Variants in PCDH15 observed in about 807,000 individuals in gnomAD.
PCDH15 encodes protocadherin related 15.
PCDH15 carries 129 observed loss-of-function variants against 178.5 expected under a neutral mutation model. That is an observed-to-expected ratio of 0.72 (90% CI 0.63 to 0.84). PCDH15 has a LOEUF of 0.84. Among genes scored for constraint, PCDH15 ranks in the 40% least tolerant of loss-of-function variants. The pLI, the probability that PCDH15 is intolerant of heterozygous loss-of-function variation, is 0.00. For missense variants in PCDH15, 2,230 were observed against 2,099.9 expected (o/e 1.06, Z -1.21); for synonymous variants, 800 against 732.0 (o/e 1.09, Z -1.50).
At chr10:55,021,719 A>C (rs987553671) in intron 2 of PCDH15, among the ~76,000 whole-genome samples, 1 of 152,206 alleles carries the variant, frequency 6.6e-6, no homozygotes, top group Non-Finnish European at 1.5e-5. Flanking sequence ...TGAAAATCCA[A>C]TAAGTGATGT....
At chr10:53,825,245 T>G in intron 32 of PCDH15, 1 of 1,345,276 alleles carries the variant, frequency 7.4e-7, no homozygotes, top group Non-Finnish European at 9.7e-7. Flanking sequence ...GGAACTTGCT[T>G]TAAACAAACA....
At chr10:55,044,752 T>A (rs575179653) in intron 2 of PCDH15, among the ~76,000 whole-genome samples, 1 of 152,212 alleles carries the variant, frequency 6.6e-6, no homozygotes, top group East Asian at 1.9e-4. Flanking sequence ...GTATAAGTTC[T>A]CCAACATTTT....
At chr10:53,943,432 C>T (rs577058683) in intron 23 of PCDH15, among the ~76,000 whole-genome samples, 30 of 151,888 alleles carry the variant, frequency 2.0e-4, no homozygotes, top group South Asian at 1.9e-3. Context: ...GCCAAGATCA[C>T]GCCACTGCAC....
At chr10:55,482,891 TG>T (rs1317252342) in intron 2 of PCDH15, among the ~76,000 whole-genome samples, 1 of 151,888 alleles carries the variant, frequency 6.6e-6, no homozygotes, top group Non-Finnish European at 1.5e-5. Context: ...AAAGTTCTCA[TG>T]GATGATAGCC....
At chr10:54,170,400 G>GT (rs2046766654) in intron 13 of PCDH15, among the ~76,000 whole-genome samples, 1 of 151,900 alleles carries the variant, frequency 6.6e-6, no homozygotes, top group Non-Finnish European at 1.5e-5. Flanking sequence ...TCATGTCTGC[G>GT]TGCAGTGGCT....
intron 18 of PCDH15, among the ~76,000 whole-genome samples, chr10:54,044,537 T>C (rs1365020113): frequency 1.3e-5 from 2 of 152,064 alleles, no homozygotes; most frequent in African/African-American, 4.8e-5. Flanking sequence ...CTATGAAACT[T>C]GTGTTCCTTA....
At chr10:53,917,663 T>C (rs934637655) in intron 25 of PCDH15, among the ~76,000 whole-genome samples, 4 of 152,092 alleles carry the variant, frequency 2.6e-5, no homozygotes, top group Non-Finnish European at 5.9e-5. Context: ...ATAAAGGAGC[T>C]GTTTCTAAAA....
intron 1 of PCDH15, among the ~76,000 whole-genome samples, chr10:55,220,920 T>C (rs1840855083): frequency 6.6e-6 from 1 of 152,086 alleles, no homozygotes; most frequent in Admixed American, 6.5e-5. Flanking sequence ...AAATTTATAA[T>C]TAGCTTGTAA....
At position 53,808,799 on chromosome 10, in the gene PCDH15, A is replaced by G; in HGVS notation, c.4672-1669T>C. 6.2e-7 allele frequency: 1 copy of G among 1,611,906 alleles called. No individual in the cohort carries two copies. Among genetic ancestry groups the G allele is most frequent in the Non-Finnish European group, 8.5e-7 (1 of 1,179,160 alleles). On this transcript the variant is annotated intron_variant, in intron 37 of 37. Transcript: ENST00000644397. ...ACCTGATAGCCCCATGGACCTCCAG[A>G]CTGACTTTCGCTACTACTGCTACTA...
intron 1 of PCDH15, among the ~76,000 whole-genome samples, chr10:55,272,239 A>G (rs1842463646): frequency 6.6e-6 from 1 of 151,970 alleles, no homozygotes; most frequent in Non-Finnish European, 1.5e-5. Context: ...TGAAAACAAA[A>G]CAACTAAGAT....
Position 55,189,039 on chromosome 10 carries a change from T to A in PCDH15, c.-155-22388A>T, listed in dbSNP as rs1839873988. Among the ~76,000 whole-genome samples, 4 of 151,932 alleles carry A rather than the reference T, an allele frequency of 2.6e-5. No individual in the cohort carries two copies. In the South Asian group the frequency reaches 8.3e-4, roughly 31 times the overall value. On this transcript the variant is annotated intron_variant, in intron 1 of 5. Coordinates refer to the PCDH15 transcript ENST00000458638. The stretch of plus-strand genomic sequence containing the variant: ...TGCTGAGTGTAGGTTACCTTTGTAG[T>A]AGTAAACTGATCATCAAAAAATTAC...
At chr10:54,289,040 A>G (rs2059219013) in intron 8 of PCDH15, among the ~76,000 whole-genome samples, 1 of 152,242 alleles carries the variant, frequency 6.6e-6, no homozygotes, top group Non-Finnish European at 1.5e-5. Context: ...TTGGGATCTG[A>G]GAACTAATAG....
chr10:53,973,772 G>C (rs551094478), intron 21 of PCDH15, among the ~76,000 whole-genome samples: 2 of 152,222 alleles, frequency 1.3e-5, no homozygotes, highest in South Asian at 4.1e-4. Flanking sequence ...CATAGCCATT[G>C]CTCCTTCACT....
chr10:54,736,490 ATGT>A (rs1677298033), intron 1 of PCDH15, among the ~76,000 whole-genome samples: 1 of 150,536 alleles, frequency 6.6e-6, no homozygotes, highest in East Asian at 1.9e-4. Flanking sequence ...AGCATTACAC[ATGT>A]TGTTGTACTT....
At chr10:54,421,629 T>G (rs1955325700) in intron 3 of PCDH15, among the ~76,000 whole-genome samples, 1 of 139,758 alleles carries the variant, frequency 7.2e-6, no homozygotes. Context: ...TGGTTTGTGT[T>G]AGGGCCTACA....
At chr10:54,117,076 T>C (rs2095126849) in intron 15 of PCDH15, among the ~76,000 whole-genome samples, 3 of 152,180 alleles carry the variant, frequency 2.0e-5, no homozygotes, top group Admixed American at 6.5e-5. Context: ...TGCCTGTGAC[T>C]GCTGGGCTTG....
intron 2 of PCDH15, among the ~76,000 whole-genome samples, chr10:55,546,611 T>C (rs942199735): frequency 3.9e-5 from 6 of 152,102 alleles, no homozygotes; most frequent in Non-Finnish European, 8.8e-5. Flanking sequence ...ACGATCTGAG[T>C]ATGTTATTGT....
At chr10:53,853,324 A>C (rs1455649891) in intron 28 of PCDH15, among the ~76,000 whole-genome samples, 1 of 152,058 alleles carries the variant, frequency 6.6e-6, no homozygotes, top group African/African-American at 2.4e-5. Context: ...GCCTAGAATA[A>C]AACGTATGAG....
intron 8 of PCDH15, among the ~76,000 whole-genome samples, chr10:54,250,333 A>AGG (rs2056372544): frequency 7.4e-6 from 1 of 135,270 alleles, no homozygotes; most frequent in Admixed American, 8.3e-5. Context: ...CCCAGGCTAG[A>AGG]GGGCAGTGGC....
Sources: gnomAD v4.1 joint callset for allele counts (sites outside exome capture counted in the v4.1 genomes callset) on GRCh38, gnomAD v4.1.1 for gene constraint, MANE v1.5 for transcripts, NCBI Gene and HGNC (gene_info 2026-07-23, HGNC 2026-07-21) for gene names.